MRM2: variants seen among roughly 807,000 people sequenced by gnomAD.
The protein encoded by MRM2 is mitochondrial rRNA methyltransferase 2.
A neutral mutation model predicts 10.9 loss-of-function variants in MRM2; 15 were observed. The observed-to-expected ratio is 1.37, with a 90% confidence interval of 0.92 to 2.11. The LOEUF (loss-of-function observed/expected upper bound fraction) is 2.11, where lower values mean the gene tolerates loss of function less well. MRM2 is among the 30% of genes most tolerant of loss of function. MRM2 has a pLI of 0.00. For synonymous variants in MRM2, 139 were observed against 128.7 expected, an observed-to-expected ratio of 1.08 and a Z score of -0.54; for missense variants, 328 against 321.3, an observed-to-expected ratio of 1.02 and a Z score of -0.16.
chr7:2,242,060 A>T, intron 1 of MRM2, 102 bp downstream of exon 1: 1 of 1,283,084 alleles, frequency 7.8e-7, no homozygotes, highest in Non-Finnish European at 1.1e-6. Flanking sequence ...GACGGTGCCC[A>T]GCGCTCGGCA....
intron 2 of MRM2, chr7:2,239,070 T>G (rs1383521434): frequency 1.4e-6 from 1 of 712,952 alleles, no homozygotes; most frequent in African/African-American, 1.8e-5. Flanking sequence ...ATAGCTCCAA[T>G]AGGCTGCAAA....
rs377563603 is a variant in MRM2 at position 2,242,185 on chromosome 7, C to T, written c.-16G>A. On this transcript the variant is annotated 5_prime_UTR_variant, in exon 1 of 3. Coordinates refer to ENST00000242257, the MANE Select transcript of MRM2 (RefSeq NM_013393.3). ...ACCCCGCCATTGGTGTTCCCCGCGC[C>T]TGCAGCGCGCCGCCGGAAGTGCCTG... The T allele has an allele frequency of 1.4e-3, 2,134 of 1,578,822 alleles. 8 individuals are homozygous for T. Among genetic ancestry groups the T allele is most frequent in the Non-Finnish European group, 1.2e-3 (1,449 of 1,167,936 alleles).
chr7:2,239,676 G>T lies in MRM2; in HGVS notation c.40C>A (p.Arg14Ser), dbSNP rs116607388. 6.2e-7 allele frequency: 1 copy of T among 1,613,482 alleles called. No individual in the cohort carries two copies. Among genetic ancestry groups the T allele is most frequent in the Non-Finnish European group, 8.5e-7 (1 of 1,179,692 alleles). ...YLKLVCVSFQ[R>S]QGFHTVGSRC... ...CTCCCAACAGTGTGGAACCCTTGAC[G>T]CTGAAAGGAAACACACACCAGCTTC... The change falls in exon 2 of 3, where the codon CGT (arginine) becomes AGT (serine). Residue 14 changes from arginine (R) to serine (S), a missense_variant. By Grantham distance (110) the Arg-to-Ser change is moderately radical. Coordinates refer to ENST00000242257, the MANE Select transcript of MRM2 (RefSeq NM_013393.3).
chr7:2,236,334 T>C (rs890427696), intron 2 of MRM2, among the ~76,000 whole-genome samples: 1 of 152,236 alleles, frequency 6.6e-6, no homozygotes, highest in Non-Finnish European at 1.5e-5. Flanking sequence ...GCTTTCAATG[T>C]AGAAACTACT....
rs1181095827 is a variant in MRM2, at chr7:2,239,030, A to AC, written c.298+387_298+388insG. ...ATATATATATATATATATATATATA[A>AC]TACATATATGTATGTATCATTAAGC... is the stretch of plus-strand genomic sequence containing the variant. On this transcript the variant is annotated intron_variant, in intron 2 of 2. Coordinates refer to ENST00000242257, the MANE Select transcript of MRM2 (RefSeq NM_013393.3). 3.6e-4 allele frequency: 79 copies of AC among 218,142 alleles called. 3 individuals carry two copies. Among genetic ancestry groups the AC allele is most frequent in the African/African-American group, 1.9e-3 (66 of 33,990 alleles). The allele number at this position is 218,142 out of a possible 1,614,324, so 13.5% of individuals were successfully genotyped here. A position where few individuals can be genotyped will look rare whatever the true frequency, so the allele number is the denominator to read the frequency against.
chr7:2,240,053 T>C (rs1455476508), intron 1 of MRM2, among the ~76,000 whole-genome samples: 1 of 152,000 alleles, frequency 6.6e-6, no homozygotes, highest in East Asian at 1.9e-4. Flanking sequence ...TGAAACCCCG[T>C]CTCTACTAAA....
At chr7:2,238,981 AT>A (rs1465963209) in intron 2 of MRM2, 18 of 12,566 alleles carry the variant, frequency 1.4e-3, no homozygotes, top group Non-Finnish European at 1.8e-3. Flanking sequence ...TAATAATTAT[AT>A]ATATATATAT....
intron 1 of MRM2, 45 bp from the exon 2 acceptor site, chr7:2,239,752 C>A: frequency 1.9e-6 from 3 of 1,573,016 alleles, no homozygotes; most frequent in East Asian, 2.3e-5. Context: ...TCACACAGAA[C>A]GGCAGGTCAT....
intron 2 of MRM2, among the ~76,000 whole-genome samples, chr7:2,237,188 G>C (rs73041402): frequency 6.6e-6 from 1 of 152,028 alleles, no homozygotes; most frequent in East Asian, 1.9e-4. Flanking sequence ...TTGTAGAGAC[G>C]GGGGTTTCAC....
chr7:2,240,707 CTT>C (rs147590084), intron 1 of MRM2, among the ~76,000 whole-genome samples: 4,413 of 151,056 alleles, frequency 0.029, 98 homozygotes, highest in Middle Eastern at 0.056. Context: ...TCTATGTCCT[CTT>C]TTTCTTTTTT....
Position 2,234,798 on chromosome 7 carries a change from C to G in MRM2, c.*324G>C, listed in dbSNP as rs911660279. 5 of 352,904 alleles carry G rather than the reference C, an allele frequency of 1.4e-5. No individual in the cohort carries two copies. Among genetic ancestry groups the G allele is most frequent in the Non-Finnish European group, 2.1e-5 (4 of 191,140 alleles). 21.9% of individuals were successfully genotyped at this position (352,904 alleles called of 1,614,324 possible). Reference sequence around the variant, plus strand: ...CCCGTCAAGGCACACATGGGCACACCCATCCCTGCCTCGGCGGATTCCTTC... The same window carrying G: ...CCCGTCAAGGCACACATGGGCACACGCATCCCTGCCTCGGCGGATTCCTTC... On this transcript the variant is annotated 3_prime_UTR_variant, in exon 3 of 3. Transcript: ENST00000242257.
chr7:2,240,348 C>T, intron 1 of MRM2: 1 of 451,166 alleles, frequency 2.2e-6, no homozygotes, highest in Non-Finnish European at 4.5e-6. Flanking sequence ...CCTTAGTGAC[C>T]TAGTTCCAGG....
chr7:2,241,050 G>A (rs1335706230), intron 1 of MRM2, among the ~76,000 whole-genome samples: 1 of 151,860 alleles, frequency 6.6e-6, no homozygotes, highest in Non-Finnish European at 1.5e-5. Context: ...TACCCAGGCT[G>A]GAGTGCAGTG....
chr7:2,239,571 C>T lies in MRM2; in HGVS notation c.145G>A (p.Val49Met), dbSNP rs758934191. 13 of 1,614,070 alleles carry T rather than the reference C, an allele frequency of 8.1e-6. No individual in the cohort carries two copies. The Admixed American group carries it at 2.2e-4, about 27-fold the overall frequency. ...LRDPFVKAAK[V>M]ESYRCRSAFK... is the part of the protein sequence containing the mutation. ...GCGCTTCGACACCGGTAACTCTCCA[C>T]CTTCGCAGCCTTCACAAATGGGTCC... Residue 49 changes from valine (V) to methionine (M), a missense_variant, in exon 2 of 3, where the codon GTG becomes ATG. Physicochemically the swap from Val to Met is conservative, Grantham distance 21. Coordinates refer to ENST00000242257, the MANE Select transcript of MRM2 (RefSeq NM_013393.3).
chr7:2,241,765 C>T (rs1216850475), intron 1 of MRM2, among the ~76,000 whole-genome samples: 1 of 152,236 alleles, frequency 6.6e-6, no homozygotes, highest in Non-Finnish European at 1.5e-5. Context: ...AGGGGTCTCC[C>T]GGGAAAATGG....
In MRM2 at chr7:2,235,547, CA is replaced by C. The variant is rs1794406534; in HGVS notation, c.315del (p.Gly106AlafsTer6). ...AGAAGATCTACCCCAAGCACGAAGC[CA>C]ACAGGAGAGCTGGGATCTATGGAAG... ...NAAGTDPSSP[V>X]GFVLGVDLLH... On this transcript the variant is annotated frameshift_variant, in exon 3 of 3. Transcript: ENST00000242257. LOFTEE classifies it low-confidence loss of function (END_TRUNC). 1 of 1,610,008 alleles carries C rather than the reference CA, an allele frequency of 6.2e-7. No homozygotes were observed. Among genetic ancestry groups the C allele is most frequent in the Non-Finnish European group, 8.5e-7 (1 of 1,177,510 alleles).
At position 2,242,175 on chromosome 7, in the gene MRM2, T is replaced by C. The variant is rs1194836797; in HGVS notation, c.-6A>G. 2 of 1,586,006 alleles carry C rather than the reference T, an allele frequency of 1.3e-6. No homozygotes were observed. The highest frequency in any genetic ancestry group is 1.7e-5 in the Admixed American group (1 of 58,746). The stretch of plus-strand genomic sequence containing the variant: ...CGCCCAGCTCACCCCGCCATTGGTG[T>C]TCCCCGCGCCTGCAGCGCGCCGCCG... On this transcript the variant is annotated 5_prime_UTR_variant, in exon 1 of 3. Transcript: ENST00000242257.
Position 2,239,523 on chromosome 7 carries a change from C to T in MRM2, c.193G>A (p.Glu65Lys), listed in dbSNP as rs1794482306. ...RSAFKLLEVN[E>K]RHQILRPGLR... ...CCGGGCCGCAGAATCTGGTGCCTCT[C>T]GTTCACCTCCAGGAGCTTGAAGGCG... is the stretch of plus-strand genomic sequence containing the variant. The change falls in exon 2 of 3, where the codon GAG becomes AAG. Residue 65 changes from glutamate to lysine, a missense_variant. Transcript: ENST00000242257. 5 of 1,614,050 alleles carry T rather than the reference C, an allele frequency of 3.1e-6. No individual in the cohort carries two copies. The highest frequency in any genetic ancestry group is 3.3e-5 in the Admixed American group (2 of 60,030).
chr7:2,235,461 T>C lies in MRM2; in HGVS notation c.402A>G (p.Arg134=). 1 of 1,614,000 alleles carries C rather than the reference T, an allele frequency of 6.2e-7. No homozygotes were observed. Among genetic ancestry groups the C allele is most frequent in the South Asian group, 1.1e-5 (1 of 91,064 alleles). The change falls in exon 3 of 3, where the codon AGA becomes AGG. Residue 134 remains arginine (R), a synonymous_variant. Transcript: ENST00000242257. The part of the protein sequence containing the change: ...FLCPADVTDP[R]TSQRILEVLP... The stretch of plus-strand genomic sequence containing the variant: ...GCACCTCGAGGATTCTCTGTGAGGT[T>C]CTCGGGTCAGTCACGTCAGCAGGGC...
Sources: allele counts gnomAD v4.1 joint callset (sites outside exome capture counted in the v4.1 genomes callset), GRCh38; gene constraint gnomAD v4.1.1; transcripts MANE v1.5; gene names NCBI Gene and HGNC (gene_info 2026-07-23, HGNC 2026-07-21).